Variants in ZNF653 observed in about 807,000 individuals in gnomAD.
ZNF653 encodes the protein 67 kDa zinc finger protein.
A neutral mutation model predicts 59.9 loss-of-function variants in ZNF653; 37 were observed. The ratio of observed to expected loss-of-function variants is 0.62; its 90% CI spans 0.48 to 0.81. The LOEUF is 0.81. Among genes scored for constraint, ZNF653 ranks in the 40% least tolerant of loss-of-function variants. The pLI is 0.00. For synonymous variants in ZNF653, 435 were observed against 371.8 expected, an observed-to-expected ratio of 1.17 and a Z score of -1.96; for missense variants, 808 against 881.1, an observed-to-expected ratio of 0.92 and a Z score of 1.05.
At chr19:11,501,224 G>T (rs1971640764) in intron 1 of ZNF653, among the ~76,000 whole-genome samples, 3 of 148,796 alleles carry the variant, frequency 2.0e-5, no homozygotes, top group South Asian at 4.2e-4. Context: ...TGTTGCCCCA[G>T]CTGGAGTGCA....
chr19:11,495,900 A>T lies in ZNF653; in HGVS notation c.559+50T>A. 1.3e-6 allele frequency: 2 copies of T among 1,562,810 alleles called. No individual in the cohort carries two copies. Among genetic ancestry groups the T allele is most frequent in the East Asian group, 4.6e-5 (2 of 43,396 alleles). ...TGATGCTAGCCTAGGGCTCGTAAGA[A>T]GCCCCCAGAAATGGGCGGCCCCCTA... On this transcript the variant is annotated intron_variant, in intron 3 of 8. Coordinates refer to ENST00000293771, the MANE Select transcript of ZNF653 (RefSeq NM_138783.4). This position sits in a 1 kb window ranked among gnomAD's most constrained non-coding sequence, Gnocchi z 4.9.
At chr19:11,505,417 G>T in intron 1 of ZNF653, 71 bp downstream of exon 1, 1 of 1,341,810 alleles carries the variant, frequency 7.5e-7, no homozygotes, top group Middle Eastern at 2.7e-4. Flanking sequence ...AGAAGCGGAG[G>T]GGGCGGGGTA....
rs779606150 is a variant in ZNF653, at chr19:11,485,774, G to A, written c.1456-4C>T. The stretch of plus-strand genomic sequence containing the variant: ...GATGCACAAGATTGACGTGGTTCTG[G>A]AGACGAGACAGGCAGAAGTGGGTCC... On this transcript the variant is annotated splice_polypyrimidine_tract_variant and splice_region_variant and intron_variant, in intron 6 of 8. Transcript: ENST00000293771. 1.2e-6 allele frequency: 2 copies of A among 1,612,408 alleles called. No homozygotes were observed. The highest frequency in any genetic ancestry group is 2.2e-5 in the South Asian group (2 of 91,046).
intron 1 of ZNF653, among the ~76,000 whole-genome samples, chr19:11,503,858 C>T (rs1235803105): frequency 6.6e-6 from 1 of 152,062 alleles, no homozygotes; most frequent in Admixed American, 6.6e-5. Flanking sequence ...AATCCCAGCA[C>T]TTTGAGAGGC....
intron 3 of ZNF653, among the ~76,000 whole-genome samples, chr19:11,493,347 C>G (rs866214093): frequency 6.6e-6 from 1 of 151,654 alleles, no homozygotes; most frequent in South Asian, 2.1e-4. Context: ...TGTGAGCCAC[C>G]GTGCCCAGCC....
chr19:11,493,034 G>A (rs1392723352), intron 3 of ZNF653, among the ~76,000 whole-genome samples: 4 of 150,134 alleles, frequency 2.7e-5, no homozygotes, highest in East Asian at 4.0e-4. Flanking sequence ...TTACAGGTGT[G>A]AGCCACTGTA....
chr19:11,497,180 G>C (rs1457440298), intron 2 of ZNF653, among the ~76,000 whole-genome samples: 1 of 152,216 alleles, frequency 6.6e-6, no homozygotes, highest in Non-Finnish European at 1.5e-5. Flanking sequence ...GTAGTACCTA[G>C]ATGCCATCTG....
chr19:11,492,123 T>G (rs2144940873), intron 3 of ZNF653, among the ~76,000 whole-genome samples: 1 of 152,130 alleles, frequency 6.6e-6, no homozygotes, highest in Non-Finnish European at 1.5e-5. Context: ...CTCGGCTCAC[T>G]GCAACCTCCA....
Position 11,485,684 on chromosome 19 carries a change from G to A in ZNF653, c.1542C>T (p.His514=), listed in dbSNP as rs746165569. Residue 514 remains histidine (H), a synonymous_variant, in exon 7 of 9, where the codon CAC becomes CAT. Coordinates refer to ENST00000293771, the MANE Select transcript of ZNF653 (RefSeq NM_138783.4). ...GCGKKFYLSN[H]LRRHMIIHSG... is the part of the protein sequence containing the mutation. The stretch of plus-strand genomic sequence containing the variant: ...AATGGATGATCATGTGCCGCCGCAG[G>A]TGGTTGGATAAATAGAACTTCTTGC... 2.5e-6 allele frequency: 4 copies of A among 1,614,090 alleles called. No homozygotes were observed. Among genetic ancestry groups the A allele is most frequent in the Non-Finnish European group, 3.4e-6 (4 of 1,179,968 alleles).
chr19:11,490,238 A>C (rs1370241824), intron 3 of ZNF653, among the ~76,000 whole-genome samples: 1 of 152,214 alleles, frequency 6.6e-6, no homozygotes, highest in Non-Finnish European at 1.5e-5. Flanking sequence ...ACTCAGCGAC[A>C]GCCAAAGGGA....
At chr19:11,490,122 G>C (rs1385521380) in intron 3 of ZNF653, among the ~76,000 whole-genome samples, 1 of 152,174 alleles carries the variant, frequency 6.6e-6, no homozygotes, top group Non-Finnish European at 1.5e-5. Flanking sequence ...GCTCTAAATG[G>C]GGGGTTTCCA....
chr19:11,493,560 G>A (rs1476211917), intron 3 of ZNF653, among the ~76,000 whole-genome samples: 3 of 152,178 alleles, frequency 2.0e-5, no homozygotes, highest in African/African-American at 7.2e-5. Context: ...CCCTTGTCCT[G>A]TATTCTGCAG....
intron 3 of ZNF653, among the ~76,000 whole-genome samples, chr19:11,488,208 G>T (rs987650632): frequency 2.0e-5 from 3 of 151,410 alleles, no homozygotes; most frequent in African/African-American, 4.9e-5. Context: ...GGAGTGCAGT[G>T]GCGCGATCTC....
intron 6 of ZNF653, among the ~76,000 whole-genome samples, chr19:11,486,353 G>A (rs893249862): frequency 1.3e-5 from 2 of 152,160 alleles, no homozygotes; most frequent in Non-Finnish European, 2.9e-5. Context: ...CCAATTAATC[G>A]ATGGGGAAAC....
At chr19:11,499,585 C>A (rs1971623019) in intron 1 of ZNF653, among the ~76,000 whole-genome samples, 1 of 144,998 alleles carries the variant, frequency 6.9e-6, no homozygotes, top group African/African-American at 2.6e-5. Context: ...GGCAACATAG[C>A]AAGATCCCAC....
rs1309905887 is a variant in ZNF653 at position 11,484,109 on chromosome 19, T to C, written c.1603A>G (p.Lys535Glu). The C allele has an allele frequency of 6.4e-7, 1 of 1,556,686 alleles. No individual in the cohort carries two copies. Among genetic ancestry groups the C allele is most frequent in the Non-Finnish European group, 8.7e-7 (1 of 1,149,964 alleles). The change falls in exon 8 of 9, where the codon AAG becomes GAG. Residue 535 changes from lysine to glutamate, a missense_variant. Coordinates refer to ENST00000293771, the MANE Select transcript of ZNF653 (RefSeq NM_138783.4). Reference sequence around the variant, plus strand: ...AGGTGGTTCTTCCTCTTGAAGGACTTGCCGCAGGTCTCGCAGGTGAATTCA... The same window carrying C: ...AGGTGGTTCTTCCTCTTGAAGGACTCGCCGCAGGTCTCGCAGGTGAATTCA... Reference protein sequence around the residue: ...VREFTCETCGKSFKRKNHLEV... With the variant: ...VREFTCETCGESFKRKNHLEV...
Position 11,495,686 on chromosome 19 carries a change from C to A in ZNF653, c.559+264G>T. The stretch of plus-strand genomic sequence containing the variant: ...CCAGGGCTCCTGGGCCCTCAGCCAG[C>A]CCTGCCTGGGACTGGCCTTGGGCAC... On this transcript the variant is annotated intron_variant, in intron 3 of 8. Coordinates refer to ENST00000293771, the MANE Select transcript of ZNF653 (RefSeq NM_138783.4). This position sits in a 1 kb window ranked among gnomAD's most constrained non-coding sequence, Gnocchi z 4.9. 3 of 475,148 alleles carry A rather than the reference C, an allele frequency of 6.3e-6. No individual in the cohort carries two copies. Among genetic ancestry groups the A allele is most frequent in the Non-Finnish European group, 1.2e-5 (3 of 258,614 alleles). The allele number at this position is 475,148 out of a possible 1,614,324, so 29.4% of individuals were successfully genotyped here. A position where few individuals can be genotyped will look rare whatever the true frequency, so the allele number is the denominator to read the frequency against.
intron 2 of ZNF653, among the ~76,000 whole-genome samples, chr19:11,497,839 T>C (rs2144947969): frequency 6.6e-6 from 1 of 152,248 alleles, no homozygotes; most frequent in South Asian, 2.1e-4. Context: ...AGCTCACCCC[T>C]GCCTCTGGAG....
At chr19:11,494,266 G>A (rs1971558557) in intron 3 of ZNF653, among the ~76,000 whole-genome samples, 1 of 151,922 alleles carries the variant, frequency 6.6e-6, no homozygotes, top group Non-Finnish European at 1.5e-5. Flanking sequence ...AGGTTGCAGT[G>A]AGCCAAGATC....
Sources: allele counts gnomAD v4.1 joint callset (sites outside exome capture counted in the v4.1 genomes callset), GRCh38; gene constraint gnomAD v4.1.1; non-coding constraint Gnocchi (gnomAD v3.1); transcripts MANE v1.5; gene names NCBI Gene and HGNC (gene_info 2026-07-23, HGNC 2026-07-21).